The following MPP2 variants were observed in gnomAD, a reference collection of about 807,000 sequenced individuals.
MPP2 encodes MAGUK p55 subfamily member 2.
MPP2 carries 42 observed loss-of-function variants against 58.5 expected under a neutral mutation model. The ratio of observed to expected loss-of-function variants is 0.72; its 90% CI spans 0.56 to 0.93. MPP2 has a LOEUF of 0.93. Among genes scored for constraint, MPP2 ranks in the 40% least tolerant of loss-of-function variants. The pLI is 0.00. For synonymous variants in MPP2, 300 were observed against 307.8 expected, an observed-to-expected ratio of 0.97 and a Z score of 0.26; for missense variants, 632 against 760.4, an observed-to-expected ratio of 0.83 and a Z score of 1.99.
chr17:43,902,916 C>A (rs977873299), intron 2 of MPP2, among the ~76,000 whole-genome samples: 4 of 152,180 alleles, frequency 2.6e-5, no homozygotes, highest in Non-Finnish European at 4.4e-5. Flanking sequence ...TAGAATATAC[C>A]TTTTGTGCAT....
chr17:43,890,318 A>T (rs1488656432), intron 3 of MPP2, among the ~76,000 whole-genome samples: 1 of 152,182 alleles, frequency 6.6e-6, no homozygotes, highest in Non-Finnish European at 1.5e-5. Context: ...TGTGGTAGCC[A>T]TTCATTTCAT....
chr17:43,883,842 G>A lies in MPP2; in HGVS notation c.151-487C>T, dbSNP rs1449905958. Among the ~76,000 whole-genome samples, 3 of 152,162 alleles carry A rather than the reference G, an allele frequency of 2.0e-5. No homozygotes were observed. In the East Asian group the frequency reaches 5.8e-4, roughly 29 times the overall value. On this transcript the variant is annotated intron_variant, in intron 3 of 12. Coordinates refer to ENST00000269095, the MANE Select transcript of MPP2 (RefSeq NM_005374.5). ...AGTGTTCCCAGCGAATGAGGGGACAGGAAATCAGAACACGGTGCCAGGAGC... is the reference window on the plus strand; with the variant it reads ...AGTGTTCCCAGCGAATGAGGGGACAAGAAATCAGAACACGGTGCCAGGAGC...
chr17:43,905,285 G>A (rs2048246078), intron 1 of MPP2: 1 of 152,204 alleles, frequency 6.6e-6, no homozygotes, highest in South Asian at 2.1e-4. Context: ...GAACCACATT[G>A]ATTTTATTTG....
chr17:43,883,243 G>A lies in MPP2; in HGVS notation c.263C>T (p.Ala88Val). The stretch of plus-strand genomic sequence containing the variant: ...CTGGAGGATGTGGGCCAGCTCGGCG[G>A]CTGTGCTGCTCTGCTCAGCCAGCTG... Reference protein sequence around the residue: ...LAQLAEQSSTAAELAHILQEP... With the variant: ...LAQLAEQSSTVAELAHILQEP... The change falls in exon 4 of 13, where the codon GCC becomes GTC. Residue 88 changes from alanine (A) to valine (V), a missense_variant. Coordinates refer to ENST00000269095, the MANE Select transcript of MPP2 (RefSeq NM_005374.5). 6.2e-7 allele frequency: 1 copy of A among 1,609,734 alleles called. No individual in the cohort carries two copies. The highest frequency in any genetic ancestry group is 8.5e-7 in the Non-Finnish European group (1 of 1,178,296).
chr17:43,889,389 G>T (rs2047504397), intron 3 of MPP2, among the ~76,000 whole-genome samples: 1 of 141,490 alleles, frequency 7.1e-6, no homozygotes, highest in African/African-American at 2.7e-5. Flanking sequence ...TTGAGACAGA[G>T]TCTCGCTCTA....
chr17:43,879,673 A>AG lies in MPP2; in HGVS notation c.1353+108dup, dbSNP rs1004792980. 62 of 1,294,328 alleles carry AG rather than the reference A, an allele frequency of 4.8e-5. No homozygotes were observed. Among genetic ancestry groups the AG allele is most frequent in the Non-Finnish European group, 6.5e-5 (61 of 931,988 alleles). 80.2% of individuals were successfully genotyped at this position (1,294,328 alleles called of 1,614,324 possible). A position where few individuals can be genotyped will look rare whatever the true frequency, so the allele number is the denominator to read the frequency against. On this transcript the variant is annotated intron_variant, in intron 11 of 12. Coordinates refer to ENST00000269095, the MANE Select transcript of MPP2 (RefSeq NM_005374.5). This position sits in a 1 kb window ranked among gnomAD's most constrained non-coding sequence, Gnocchi z 4.1. ...GGTTTCTAGCAGTAGTTGAGGGCAA[A>AG]GGGGGTACATGGGCGTGTTCAGGTG...
upstream of MPP2, chr17:43,909,686 ATC>A (rs1567911748): frequency 8.4e-7 from 1 of 1,188,300 alleles, no homozygotes; most frequent in Non-Finnish European, 1.1e-6. Flanking sequence ...GTCAACAAGT[ATC>A]TCTCTAATAA....
At chr17:43,907,324 G>A (rs886260233) in intron 1 of MPP2, 150 bp downstream of exon 1, 1 of 985,616 alleles carries the variant, frequency 1.0e-6, no homozygotes, top group African/African-American at 1.7e-5. Flanking sequence ...GCCCAGGGGC[G>A]GGGGCGGGTG....
At chr17:43,891,510 G>A (rs1285108887) in intron 3 of MPP2, among the ~76,000 whole-genome samples, 3 of 148,144 alleles carry the variant, frequency 2.0e-5, no homozygotes, top group Non-Finnish European at 4.5e-5. Context: ...GCAAGACTCC[G>A]TCTCAAAAAA....
At chr17:43,899,943 T>C (rs2048017531) in intron 2 of MPP2, among the ~76,000 whole-genome samples, 1 of 152,148 alleles carries the variant, frequency 6.6e-6, no homozygotes. Flanking sequence ...CGCCCATGCC[T>C]ACATCTGCAT....
At chr17:43,896,051 G>A (rs2047830055) in intron 3 of MPP2, among the ~76,000 whole-genome samples, 1 of 152,146 alleles carries the variant, frequency 6.6e-6, no homozygotes, top group Non-Finnish European at 1.5e-5. Context: ...CACTCCAGTG[G>A]GACGTGGTCC....
At chr17:43,899,252 AAAAAAAAAG>A (rs1038597437) in intron 2 of MPP2, among the ~76,000 whole-genome samples, 1 of 8,074 alleles carries the variant, frequency 1.2e-4, no homozygotes, top group Non-Finnish European at 6.8e-4. Context: ...GTCTCAAAAA[AAAAAAAAAG>A]AAAAAGAAAA....
Position 43,877,817 on chromosome 17 carries a change from C to A in MPP2, c.1649G>T (p.Trp550Leu). ...ACCAGGTGAACAGGCTCAGTACACC[C>A]AGCTGACAGGCACCCACTGGGGCTC... ...RTEPQWVPVS[W>L]VY Residue 550 changes from tryptophan (W) to leucine (L), a missense_variant, in exon 13 of 13, where the codon TGG becomes TTG. Physicochemically the swap from Trp to Leu is moderately conservative, Grantham distance 61 (BLOSUM62 -2). Transcript: ENST00000269095. The A allele has an allele frequency of 6.2e-7, 1 of 1,613,666 alleles. No homozygotes were observed.
At chr17:43,887,513 T>C (rs2047421790) in intron 3 of MPP2, among the ~76,000 whole-genome samples, 1 of 152,166 alleles carries the variant, frequency 6.6e-6, no homozygotes, top group South Asian at 2.1e-4. Flanking sequence ...CTTGTTTTCT[T>C]CTAGGACGTG....
intron 3 of MPP2, among the ~76,000 whole-genome samples, chr17:43,888,723 G>A (rs1416863769): frequency 2.0e-5 from 3 of 152,088 alleles, no homozygotes; most frequent in Non-Finnish European, 4.4e-5. Flanking sequence ...AAGCCAGGGT[G>A]CCTCCTAAGC....
rs945819317 is a variant in MPP2, at chr17:43,904,599, G to T, written c.-33-106C>A. 9 of 897,722 alleles carry T rather than the reference G, an allele frequency of 1.0e-5. No homozygotes were observed. In the African/African-American group the frequency reaches 1.5e-4, roughly 15 times the overall value. The allele number at this position is 897,722 out of a possible 1,614,324, so 55.6% of individuals were successfully genotyped here. A position where few individuals can be genotyped will look rare whatever the true frequency, so the allele number is the denominator to read the frequency against. On this transcript the variant is annotated intron_variant, in intron 1 of 12. Transcript: ENST00000269095. Reference sequence around the variant, plus strand: ...ACGAGCCAGAAAGGTAGGGGAGAAGGTGCTGCCCAGAAAGTGGGGGTTGGA... The same window carrying T: ...ACGAGCCAGAAAGGTAGGGGAGAAGTTGCTGCCCAGAAAGTGGGGGTTGGA...
At position 43,881,355 on chromosome 17, in the gene MPP2, A is replaced by G. The variant is rs1055479544; in HGVS notation, c.814-6T>C. ...CCCCCTTCGACATGGCATGCCTAAA[A>G]CGGACATGAGACCAAGATCTGCCTG... On this transcript the variant is annotated splice_polypyrimidine_tract_variant and splice_region_variant and intron_variant, in intron 7 of 12. Transcript: ENST00000269095. 6.2e-7 allele frequency: 1 copy of G among 1,613,990 alleles called. No homozygotes were observed.
At chr17:43,881,058 G>A in intron 9 of MPP2, 32 bp downstream of exon 9, 1 of 1,609,892 alleles carries the variant, frequency 6.2e-7, no homozygotes, top group East Asian at 2.2e-5. Context: ...CATGTTAGAG[G>A]AGGGTAAGGG....
intron 2 of MPP2, among the ~76,000 whole-genome samples, chr17:43,899,017 G>A (rs1306450573): frequency 1.3e-5 from 2 of 152,002 alleles, no homozygotes; most frequent in African/African-American, 2.4e-5. Context: ...AGGCCGAAGC[G>A]GGTGGATTGC....
Sources: gnomAD v4.1 joint callset for allele counts (sites outside exome capture counted in the v4.1 genomes callset) on GRCh38, gnomAD v4.1.1 for gene constraint, Gnocchi (gnomAD v3.1) non-coding constraint, MANE v1.5 for transcripts, NCBI Gene and HGNC (gene_info 2026-07-23, HGNC 2026-07-21) for gene names.